The following RFX4 variants were observed in gnomAD, a reference collection of about 807,000 sequenced individuals.
RFX4 encodes transcription factor RFX4.
In RFX4, 10 loss-of-function variants were observed where a neutral mutation model predicts 95.0. That is an observed-to-expected ratio of 0.11 (90% CI 0.06 to 0.18). The LOEUF (loss-of-function observed/expected upper bound fraction) is 0.18. Ranked by LOEUF, RFX4 falls within the 10% of genes least tolerant of loss-of-function variation. The pLI is 1.00. For synonymous variants in RFX4, 321 were observed against 340.7 expected, an observed-to-expected ratio of 0.94 and a Z score of 0.64; for missense variants, 640 against 922.0, an observed-to-expected ratio of 0.69 and a Z score of 3.96.
Position 106,583,338 on chromosome 12 carries a change from G to C in RFX4, c.18G>C (p.Leu6=). The change falls in exon 1 of 18, where the codon CTG becomes CTC. Residue 6 remains leucine (L), a synonymous_variant. Coordinates refer to ENST00000392842, the MANE Select transcript of RFX4 (RefSeq NM_213594.3). ...GGAAGAGCATGCATTGTGGGTTACTGGAGGAACCCGACATGGATTCCACAG... is the reference window on the plus strand; with the variant it reads ...GGAAGAGCATGCATTGTGGGTTACTCGAGGAACCCGACATGGATTCCACAG... MHCGL[L]EEPDMDSTES... 1.9e-6 allele frequency: 3 copies of C among 1,586,910 alleles called. No individual in the cohort carries two copies. The highest frequency in any genetic ancestry group is 2.6e-6 in the Non-Finnish European group (3 of 1,170,558).
intron 13 of RFX4, among the ~76,000 whole-genome samples, chr12:106,727,364 C>T (rs1377859310): frequency 2.6e-5 from 4 of 152,138 alleles, no homozygotes; most frequent in Non-Finnish European, 5.9e-5. Context: ...TACAAGTCTG[C>T]AGCAAACATC....
intron 4 of RFX4, among the ~76,000 whole-genome samples, chr12:106,657,908 A>G (rs905315952): frequency 6.6e-6 from 1 of 152,110 alleles, no homozygotes; most frequent in Non-Finnish European, 1.5e-5. Context: ...CTCTATATAT[A>G]GATATATAGC....
intron 9 of RFX4, among the ~76,000 whole-genome samples, chr12:106,710,454 A>T (rs765594909): frequency 2.6e-5 from 4 of 152,206 alleles, no homozygotes; most frequent in African/African-American, 4.8e-5. Context: ...CTGGAAAATT[A>T]GAAGTCCATC....
At position 106,583,290 on chromosome 12, in the gene RFX4, G is replaced by T. The variant is rs778747850; in HGVS notation, c.-31G>T. 1 of 1,495,868 alleles carries T rather than the reference G, an allele frequency of 6.7e-7. No homozygotes were observed. Among genetic ancestry groups the T allele is most frequent in the South Asian group, 1.2e-5 (1 of 81,122 alleles). 92.7% of individuals were successfully genotyped at this position (1,495,868 alleles called of 1,614,324 possible). A position where few individuals can be genotyped will look rare whatever the true frequency, so the allele number is the denominator to read the frequency against. ...GGGATCCCCAAACATCAGGACTTTT[G>T]GGGGGCGCCTGTGCTGTCCATGGGA... On this transcript the variant is annotated 5_prime_UTR_variant, in exon 1 of 18. Transcript: ENST00000392842.
intron 17 of RFX4, among the ~76,000 whole-genome samples, chr12:106,754,708 GA>G (rs1038176670): frequency 2.0e-5 from 3 of 152,200 alleles, no homozygotes; most frequent in African/African-American, 4.8e-5. Context: ...GGTCTTAATA[GA>G]ATGGCCCAAG....
In RFX4 at chr12:106,750,782, A is replaced by C. The variant is rs768190657; in HGVS notation, c.1924A>C (p.Ser642Arg). The C allele has an allele frequency of 4.4e-6, 7 of 1,589,050 alleles. No individual in the cohort carries two copies. Among genetic ancestry groups the C allele is most frequent in the African/African-American group, 1.4e-5 (1 of 73,632 alleles). ...ACTCCACTATGCCCCTTACCACAGGAGCTCTGCACAGGTGAGTCAGTGGTC... is the reference window on the plus strand; with the variant it reads ...ACTCCACTATGCCCCTTACCACAGGCGCTCTGCACAGGTGAGTCAGTGGTC... ...GPLHYAPYHR[S>R]SAQYPFNSPT... The change falls in exon 17 of 18, where the codon AGC becomes CGC. Residue 642 changes from serine (S) to arginine (R), a missense_variant. By Grantham distance (110) the Ser-to-Arg change is moderately radical. Transcript: ENST00000392842.
At chr12:106,684,604 A>C in intron 5 of RFX4, 2 of 1,013,156 alleles carry the variant, frequency 2.0e-6, no homozygotes, top group Non-Finnish European at 2.7e-6. Flanking sequence ...GCTCTTAAGA[A>C]GTTATAAAGG....
chr12:106,757,694 A>G (rs976966657), intron 17 of RFX4, among the ~76,000 whole-genome samples: 1 of 152,182 alleles, frequency 6.6e-6, no homozygotes, highest in Non-Finnish European at 1.5e-5. Context: ...TTTCATAGGA[A>G]AACAGTTTGT....
chr12:106,731,566 G>T (rs1416903114), intron 13 of RFX4, among the ~76,000 whole-genome samples: 2 of 152,200 alleles, frequency 1.3e-5, no homozygotes, highest in Non-Finnish European at 2.9e-5. Context: ...TAAGAACCAT[G>T]TGCTAAATGA....
At position 106,737,368 on chromosome 12, in the gene RFX4, C is replaced by A. The variant is rs1019449130; in HGVS notation, c.1633+4283C>A. On this transcript the variant is annotated intron_variant, in intron 15 of 17. Transcript: ENST00000392842. ...CAAACAATAGAAGTGTGGTCCCTGCCCCCTGGGAGTTTATGTTTAGAGGTT... is the reference window on the plus strand; with the variant it reads ...CAAACAATAGAAGTGTGGTCCCTGCACCCTGGGAGTTTATGTTTAGAGGTT... 4.6e-5 allele frequency among the ~76,000 whole-genome samples: 7 copies of A among 151,482 alleles called. 1 individual carries two copies. The highest frequency in any genetic ancestry group is 6.6e-5 in the Admixed American group (1 of 15,208).
In RFX4 at chr12:106,595,741, AT is replaced by A. The variant is rs1565943524; in HGVS notation, c.43+12381del. On this transcript the variant is annotated intron_variant, in intron 1 of 17. Transcript: ENST00000392842. Reference sequence around the variant, plus strand: ...TGCTGTTAAAAGAACAGCACCTTCCATTTGTATAGCATGTTACAGTCTATAA... The same window carrying A: ...TGCTGTTAAAAGAACAGCACCTTCCATTGTATAGCATGTTACAGTCTATAA... Among the ~76,000 whole-genome samples the A allele has an allele frequency of 3.3e-5, 5 of 152,106 alleles. No homozygotes were observed. In the South Asian group the frequency reaches 1.0e-3, roughly 32 times the overall value.
chr12:106,660,576 G>C lies in RFX4; in HGVS notation c.315+6225G>C, dbSNP rs117264516. Among the ~76,000 whole-genome samples the C allele has an allele frequency of 2.0e-5, 3 of 152,242 alleles. 1 individual carries two copies. In the East Asian group the frequency reaches 5.8e-4, roughly 29 times the overall value. ...TTTCAGAAAGAACAACTGAGCCTCA[G>C]ATTTTTGAGAAAAGAGAACATCTCT... On this transcript the variant is annotated intron_variant, in intron 4 of 17. Coordinates refer to ENST00000392842, the MANE Select transcript of RFX4 (RefSeq NM_213594.3).
At chr12:106,739,849 C>G (rs2042776698) in intron 15 of RFX4, among the ~76,000 whole-genome samples, 1 of 152,156 alleles carries the variant, frequency 6.6e-6, no homozygotes, top group Non-Finnish European at 1.5e-5. Context: ...AGTTTAGAAA[C>G]CTTAACTTTC....
At chr12:106,689,434 G>A (rs952861919) in intron 7 of RFX4, 70 bp downstream of exon 7, 2 of 1,287,346 alleles carry the variant, frequency 1.6e-6, no homozygotes, top group Non-Finnish European at 2.3e-6. Context: ...CCTATTTCAT[G>A]AGCTCCTGCT....
At chr12:106,708,824 T>C (rs1237282602) in intron 8 of RFX4, among the ~76,000 whole-genome samples, 1 of 152,214 alleles carries the variant, frequency 6.6e-6, no homozygotes, top group Non-Finnish European at 1.5e-5. Flanking sequence ...ACTCTTGGAA[T>C]CTAATATGGT....
At position 106,586,124 on chromosome 12, in the gene RFX4, G is replaced by A. The variant is rs1222232315; in HGVS notation, c.43+2761G>A. 6.6e-6 allele frequency: 1 copy of A among 152,214 alleles called. No homozygotes were observed. Among genetic ancestry groups the A allele is most frequent in the East Asian group, 1.9e-4 (1 of 5,184 alleles). 9.4% of individuals were successfully genotyped at this position (152,214 alleles called of 1,614,324 possible). ...GCCCGACAAAGCAAAGCCCCTCTCGGAGGCAAAGCCCCAGCTTGCCGCGCG... is the reference window on the plus strand; with the variant it reads ...GCCCGACAAAGCAAAGCCCCTCTCGAAGGCAAAGCCCCAGCTTGCCGCGCG... On this transcript the variant is annotated intron_variant, in intron 1 of 17. Coordinates refer to ENST00000392842, the MANE Select transcript of RFX4 (RefSeq NM_213594.3). This position sits in a 1 kb window ranked among gnomAD's most constrained non-coding sequence, Gnocchi z 5.6.
At chr12:106,742,087 G>GA (rs911796586) in intron 15 of RFX4, among the ~76,000 whole-genome samples, 3 of 151,668 alleles carry the variant, frequency 2.0e-5, no homozygotes, top group Admixed American at 6.6e-5. Context: ...TCCAAGATCT[G>GA]AAAAAAAAGG....
intron 4 of RFX4, among the ~76,000 whole-genome samples, chr12:106,677,863 A>G (rs1376611640): frequency 1.3e-5 from 2 of 152,138 alleles, no homozygotes; most frequent in African/African-American, 4.8e-5. Flanking sequence ...GGCTAGGTTC[A>G]GGAGACATCC....
intron 15 of RFX4, among the ~76,000 whole-genome samples, chr12:106,735,414 C>A (rs541824158): frequency 1.1e-4 from 17 of 152,018 alleles, no homozygotes; most frequent in African/African-American, 1.9e-4. Context: ...GCTTTTTAGA[C>A]CAAAAGCTCT....
Sources: allele counts gnomAD v4.1 joint callset (sites outside exome capture counted in the v4.1 genomes callset), GRCh38; gene constraint gnomAD v4.1.1; non-coding constraint Gnocchi (gnomAD v3.1); transcripts MANE v1.5; gene names NCBI Gene and HGNC (gene_info 2026-07-23, HGNC 2026-07-21).